HNRNPC: variants seen among roughly 807,000 people sequenced by gnomAD.
The protein encoded by HNRNPC is heterogeneous nuclear ribonucleoprotein C, also known as heterogeneous nuclear ribonucleoproteins C1/C2.
HNRNPC carries 3 observed loss-of-function variants against 33.2 expected under a neutral mutation model. That is an observed-to-expected ratio of 0.09 (90% CI 0.04 to 0.23). HNRNPC has a LOEUF of 0.23. Among genes scored for constraint, HNRNPC ranks in the 10% least tolerant of loss-of-function variants. The pLI, the probability that HNRNPC is intolerant of heterozygous loss-of-function variation, is 1.00. For missense variants in HNRNPC, 143 were observed against 366.7 expected, an observed-to-expected ratio of 0.39 and a Z score of 4.98; for synonymous variants, 121 against 126.7, an observed-to-expected ratio of 0.96 and a Z score of 0.30.
intron 5 of HNRNPC, among the ~76,000 whole-genome samples, chr14:21,221,268 T>G (rs182457093): frequency 6.6e-6 from 1 of 152,352 alleles, no homozygotes; most frequent in East Asian, 1.9e-4. Context: ...ATTTCCTTCC[T>G]GAAGAGTAGG....
intron 2 of HNRNPC, among the ~76,000 whole-genome samples, chr14:21,237,771 A>G (rs911489959): frequency 1.3e-5 from 2 of 149,758 alleles, no homozygotes; most frequent in Middle Eastern, 3.4e-3. Context: ...CCTTGATCAC[A>G]TTTTTTTTTT....
chr14:21,247,632 A>G (rs1438135104), intron 2 of HNRNPC, among the ~76,000 whole-genome samples: 1 of 152,094 alleles, frequency 6.6e-6, no homozygotes, highest in Admixed American at 6.6e-5. Flanking sequence ...TCCAAATTGA[A>G]GTAAACTGAA....
At chr14:21,246,342 G>T (rs962394688) in intron 2 of HNRNPC, among the ~76,000 whole-genome samples, 2 of 152,040 alleles carry the variant, frequency 1.3e-5, no homozygotes, top group Non-Finnish European at 2.9e-5. Flanking sequence ...GGTGGATCAC[G>T]AGGTTAAGAG....
chr14:21,237,630 C>T (rs550354326), intron 2 of HNRNPC, among the ~76,000 whole-genome samples: 1 of 152,166 alleles, frequency 6.6e-6, no homozygotes, highest in Non-Finnish European at 1.5e-5. Context: ...TGTGGTTTCT[C>T]GAGCACCACT....
intron 5 of HNRNPC, among the ~76,000 whole-genome samples, chr14:21,226,327 GAAAAAAA>G (rs374686866): frequency 1.8e-4 from 20 of 110,646 alleles, no homozygotes; most frequent in South Asian, 1.4e-3. Flanking sequence ...GTTTCCAAAA[GAAAAAAA>G]AAAAAAAAAA....
chr14:21,242,576 A>G (rs962557746), intron 2 of HNRNPC, among the ~76,000 whole-genome samples: 2 of 152,232 alleles, frequency 1.3e-5, no homozygotes, highest in African/African-American at 4.8e-5. Context: ...GATGTATGCT[A>G]AAAGCGCCAG....
intron 2 of HNRNPC, among the ~76,000 whole-genome samples, chr14:21,241,026 T>C (rs909401110): frequency 2.0e-5 from 3 of 152,044 alleles, no homozygotes; most frequent in African/African-American, 7.2e-5. Flanking sequence ...ATCCCAGCAC[T>C]CTGGGAGGCC....
intron 5 of HNRNPC, among the ~76,000 whole-genome samples, chr14:21,214,623 G>C (rs972854131): frequency 6.6e-6 from 1 of 152,124 alleles, no homozygotes; most frequent in Admixed American, 6.5e-5. Context: ...CCTAAGTATG[G>C]TTAATCTCTT....
chr14:21,245,459 T>C (rs1484280481), intron 2 of HNRNPC, among the ~76,000 whole-genome samples: 1 of 152,078 alleles, frequency 6.6e-6, no homozygotes, highest in Non-Finnish European at 1.5e-5. Context: ...ATCGCACCAC[T>C]GCACTCCAGC....
At chr14:21,253,097 C>G (rs1896844520) in intron 2 of HNRNPC, among the ~76,000 whole-genome samples, 1 of 150,986 alleles carries the variant, frequency 6.6e-6, no homozygotes, top group South Asian at 2.1e-4. Flanking sequence ...TCGCTTGAAC[C>G]TGGGAGGTGG....
chr14:21,254,783 G>GT (rs1225703818), intron 2 of HNRNPC, among the ~76,000 whole-genome samples: 11 of 152,156 alleles, frequency 7.2e-5, no homozygotes, highest in Non-Finnish European at 1.5e-4. Flanking sequence ...GCAGGCGCCT[G>GT]TAATCCCAGC....
intron 6 of HNRNPC, among the ~76,000 whole-genome samples, chr14:21,212,277 A>G (rs1023456975): frequency 2.6e-5 from 4 of 152,170 alleles, no homozygotes; most frequent in Non-Finnish European, 4.4e-5. Context: ...ATCTGGGGCT[A>G]CAGGCACGCA....
intron 5 of HNRNPC, among the ~76,000 whole-genome samples, chr14:21,214,517 A>T (rs1891942593): frequency 6.6e-6 from 1 of 152,134 alleles, no homozygotes; most frequent in South Asian, 2.1e-4. Context: ...GGTTGAGCCC[A>T]GGAGGTGAGA....
At chr14:21,239,831 G>A (rs1054239326) in intron 2 of HNRNPC, among the ~76,000 whole-genome samples, 3 of 152,128 alleles carry the variant, frequency 2.0e-5, no homozygotes, top group Non-Finnish European at 4.4e-5. Context: ...CCAAGATCAT[G>A]CCACTGCACT....
intron 2 of HNRNPC, among the ~76,000 whole-genome samples, chr14:21,255,646 G>A (rs1001386526): frequency 1.3e-5 from 2 of 152,098 alleles, no homozygotes; most frequent in East Asian, 1.9e-4. Context: ...TAATTAGAAG[G>A]AAAATACTAC....
chr14:21,216,468 G>A (rs763059437), intron 5 of HNRNPC, among the ~76,000 whole-genome samples: 2 of 152,192 alleles, frequency 1.3e-5, no homozygotes, highest in Non-Finnish European at 2.9e-5. Context: ...AGCACTTTGG[G>A]AGGCTAAGGC....
chr14:21,212,300 A>T (rs1891702915), intron 6 of HNRNPC, among the ~76,000 whole-genome samples: 1 of 151,952 alleles, frequency 6.6e-6, no homozygotes, highest in Non-Finnish European at 1.5e-5. Context: ...ACTGCATCAG[A>T]CCTTCTGTAA....
intron 2 of HNRNPC, among the ~76,000 whole-genome samples, chr14:21,237,684 T>TC (rs529075914): frequency 5.1e-4 from 77 of 152,308 alleles, no homozygotes; most frequent in African/African-American, 1.7e-3. Context: ...CTAAGAACAG[T>TC]CCCTCAGTTC....
intron 5 of HNRNPC, among the ~76,000 whole-genome samples, chr14:21,226,220 G>A (rs953673328): frequency 1.3e-5 from 2 of 151,314 alleles, no homozygotes; most frequent in Non-Finnish European, 2.9e-5. Context: ...TACTCAGGAG[G>A]CTGAGGCAGG....
Sources: allele counts gnomAD v4.1 joint callset (sites outside exome capture counted in the v4.1 genomes callset), GRCh38; gene constraint gnomAD v4.1.1; transcripts MANE v1.5; gene names NCBI Gene and HGNC (gene_info 2026-07-23, HGNC 2026-07-21).